Variants in CPLANE1 observed in about 807,000 individuals in gnomAD.
The protein encoded by CPLANE1 is ciliogenesis and planar polarity effector 1.
CPLANE1 carries 263 observed loss-of-function variants against 362.5 expected under a neutral mutation model. The observed-to-expected ratio is 0.73, with a 90% CI of 0.66 to 0.80. CPLANE1 has a LOEUF of 0.80. CPLANE1 is among the 30% of genes least tolerant of loss of function. The probability of loss-of-function intolerance (pLI) is 0.00; values close to 1 mark genes in which losing one functional copy is unlikely to be tolerated. For synonymous variants in CPLANE1, 1,212 were observed against 1,302.6 expected (o/e 0.93, Z 1.50); for missense variants, 3,461 against 3,793.4 (o/e 0.91, Z 2.30).
chr5:37,212,681 G>A (rs954664692), intron 16 of CPLANE1, among the ~76,000 whole-genome samples: 3 of 152,120 alleles, frequency 2.0e-5, no homozygotes, highest in African/African-American at 7.2e-5. Context: ...CAGTTATCTA[G>A]CACAGGATTA....
intron 21 of CPLANE1, among the ~76,000 whole-genome samples, chr5:37,194,185 G>C (rs552095126): frequency 1.3e-5 from 2 of 152,054 alleles, no homozygotes; most frequent in African/African-American, 2.4e-5. Context: ...TCCTCCCAAA[G>C]TGCTGGGATT....
chr5:37,124,864 A>G, intron 47 of CPLANE1: 1 of 1,004,784 alleles, frequency 1.0e-6, no homozygotes, highest in East Asian at 1.1e-4. Flanking sequence ...GAGCAGGCAT[A>G]GAAGAGTGAG....
intron 17 of CPLANE1, 102 bp from the exon 18 acceptor site, chr5:37,205,556 A>G: frequency 1.2e-6 from 1 of 809,302 alleles, no homozygotes; most frequent in Non-Finnish European, 1.9e-6. Flanking sequence ...AAACAATGGA[A>G]TTTACTTTTT....
At chr5:37,238,646 C>CT (rs576410447) in intron 8 of CPLANE1, among the ~76,000 whole-genome samples, 241 of 151,660 alleles carry the variant, frequency 1.6e-3, no homozygotes, top group Non-Finnish European at 2.7e-3. Flanking sequence ...CAGGTGTCCA[C>CT]CACCATGCTC....
chr5:37,104,152 T>A (rs1002729229), downstream of CPLANE1, among the ~76,000 whole-genome samples: 2 of 152,356 alleles, frequency 1.3e-5, no homozygotes, highest in Non-Finnish European at 2.9e-5. Flanking sequence ...ACTTGGCCTA[T>A]TCTGTTATTG....
At chr5:37,156,255 G>A (rs898477455) in intron 41 of CPLANE1, among the ~76,000 whole-genome samples, 1 of 152,152 alleles carries the variant, frequency 6.6e-6, no homozygotes, top group Non-Finnish European at 1.5e-5. Context: ...AAGTCTGATT[G>A]CATATTGGAT....
At chr5:37,079,795 C>T in the CPLANE1 span, among the ~76,000 whole-genome samples, 9 of 152,150 alleles carry the variant, frequency 5.9e-5, no homozygotes, top group Admixed American at 1.3e-4. Flanking sequence ...AAGTGTTTTC[C>T]TCTTCTCAAT....
Position 37,169,201 on chromosome 5 carries a change from C to T in CPLANE1, c.6823G>A (p.Ala2275Thr), listed in dbSNP as rs1779085192. The T allele has an allele frequency of 6.8e-6, 11 of 1,614,132 alleles. No homozygotes were observed. The highest frequency in any genetic ancestry group is 1.3e-5 in the African/African-American group (1 of 75,022). The change falls in exon 34 of 53, where the codon GCA becomes ACA. Residue 2275 changes from alanine to threonine, a missense_variant. Ala to Thr is a moderately conservative substitution (Grantham distance 58). Transcript: ENST00000651892. ...TGGGATGCTGGAGTAGTTTGTGCTGCTCTCTGTGGCAGAGCAGGTTGGAAG... is the reference window on the plus strand; with the variant it reads ...TGGGATGCTGGAGTAGTTTGTGCTGTTCTCTGTGGCAGAGCAGGTTGGAAG... ...DSFQPALPQRAAQTTPASHLN... is the reference protein window; with the variant it reads ...DSFQPALPQRTAQTTPASHLN...
rs971853316 is a variant in CPLANE1 at position 37,249,226 on chromosome 5, G to A, written c.-48+19C>T. ...CGAGGAGGCCAGGATCGCGGGGTAAGGAATCCGCGGGCAGTTACCTCCGCC... is the reference window on the plus strand; with the variant it reads ...CGAGGAGGCCAGGATCGCGGGGTAAAGAATCCGCGGGCAGTTACCTCCGCC... On this transcript the variant is annotated intron_variant, in intron 1 of 52. Coordinates refer to ENST00000651892, the MANE Select transcript of CPLANE1 (RefSeq NM_001384732.1). 47 of 152,772 alleles carry A rather than the reference G, an allele frequency of 3.1e-4. No homozygotes were observed. The highest frequency in any genetic ancestry group is 3.4e-3 in the Middle Eastern group (1 of 292). 9.5% of individuals were successfully genotyped at this position (152,772 alleles called of 1,614,324 possible).
In CPLANE1 at chr5:37,209,925, C is replaced by T. The variant is rs1039508964; in HGVS notation, c.2921-3500G>A. 5.8e-6 allele frequency: 8 copies of T among 1,382,832 alleles called. No homozygotes were observed. In the African/African-American group the frequency reaches 1.0e-4, roughly 17 times the overall value. The allele number at this position is 1,382,832 out of a possible 1,614,324, so 85.7% of individuals were successfully genotyped here. On this transcript the variant is annotated intron_variant, in intron 16 of 52. Coordinates refer to ENST00000651892, the MANE Select transcript of CPLANE1 (RefSeq NM_001384732.1). This position sits in a 1 kb window ranked among gnomAD's most constrained non-coding sequence, Gnocchi z 4.6. Reference sequence around the variant, plus strand: ...TGATGATCAGTTTGCAGATGCTTACCCTCAGCGTATCAAGTTTGAGTCTTT... The same window carrying T: ...TGATGATCAGTTTGCAGATGCTTACTCTCAGCGTATCAAGTTTGAGTCTTT...
chr5:37,211,848 T>G, intron 16 of CPLANE1: 2 of 791,910 alleles, frequency 2.5e-6, no homozygotes, highest in Middle Eastern at 2.4e-4. Context: ...TGAATCATCT[T>G]TTGAATATGC....
In CPLANE1 at chr5:37,133,143, T is replaced by C. The variant is rs1766475460; in HGVS notation, c.8792+5577A>G. Among the ~76,000 whole-genome samples, 4 of 152,344 alleles carry C rather than the reference T, an allele frequency of 2.6e-5. 1 individual carries two copies. In the South Asian group the frequency reaches 8.3e-4, roughly 32 times the overall value. On this transcript the variant is annotated intron_variant, in intron 46 of 52. Transcript: ENST00000651892. ...GTTCCATTGGTCTGTATGTCCATCTTTGTACCAGTACCATGCTGTTTTGGT... is the reference window on the plus strand; with the variant it reads ...GTTCCATTGGTCTGTATGTCCATCTCTGTACCAGTACCATGCTGTTTTGGT...
chr5:37,128,010 A>G (rs1764710096), intron 46 of CPLANE1, among the ~76,000 whole-genome samples: 1 of 152,126 alleles, frequency 6.6e-6, no homozygotes, highest in Admixed American at 6.5e-5. Flanking sequence ...ACTGCACCCC[A>G]GCCTGGGTGA....
At chr5:37,134,120 G>A (rs954224724) in intron 46 of CPLANE1, among the ~76,000 whole-genome samples, 22 of 152,026 alleles carry the variant, frequency 1.4e-4, no homozygotes, top group African/African-American at 3.1e-4. Flanking sequence ...TTGGGTCTTC[G>A]CCAGGTTTTG....
chr5:37,108,965 T>C (rs1758359209), intron 51 of CPLANE1, among the ~76,000 whole-genome samples: 1 of 152,248 alleles, frequency 6.6e-6, no homozygotes, highest in Admixed American at 6.5e-5. Flanking sequence ...TATATCAGTA[T>C]TTGTTGAAAA....
At chr5:37,203,216 C>G (rs913874175) in intron 18 of CPLANE1, among the ~76,000 whole-genome samples, 6 of 152,144 alleles carry the variant, frequency 3.9e-5, no homozygotes, top group Non-Finnish European at 8.8e-5. Context: ...TCTCAGGCAA[C>G]CCCTGATCTG....
chr5:37,156,815 G>A (rs1359775610), intron 41 of CPLANE1, among the ~76,000 whole-genome samples: 1 of 152,176 alleles, frequency 6.6e-6, no homozygotes, highest in Admixed American at 6.5e-5. Flanking sequence ...GGTAAGGGAT[G>A]AGAAACTACC....
rs1231123035 is a variant in CPLANE1, at chr5:37,244,617, T to A, written c.338-10A>T. Reference sequence around the variant, plus strand: ...AGTCTCAAAGAGCTTGCTAAAAAAGTAACAAAAAAAGTAATTAAGCCTCTG... The same window carrying A: ...AGTCTCAAAGAGCTTGCTAAAAAAGAAACAAAAAAAGTAATTAAGCCTCTG... On this transcript the variant is annotated splice_polypyrimidine_tract_variant and intron_variant, in intron 4 of 52. Coordinates refer to ENST00000651892, the MANE Select transcript of CPLANE1 (RefSeq NM_001384732.1). 1 of 1,500,570 alleles carries A rather than the reference T, an allele frequency of 6.7e-7. No homozygotes were observed. The highest frequency in any genetic ancestry group is 8.9e-7 in the Non-Finnish European group (1 of 1,118,838). 93.0% of individuals were successfully genotyped at this position (1,500,570 alleles called of 1,614,324 possible).
At chr5:37,136,819 T>G (rs1767854147) in intron 46 of CPLANE1, among the ~76,000 whole-genome samples, 2 of 152,252 alleles carry the variant, frequency 1.3e-5, no homozygotes, top group South Asian at 2.1e-4. Flanking sequence ...CTTGGCGCCT[T>G]CTAGCCACAG....
Sources: gnomAD v4.1 joint callset for allele counts (sites outside exome capture counted in the v4.1 genomes callset) on GRCh38, gnomAD v4.1.1 for gene constraint, Gnocchi (gnomAD v3.1) non-coding constraint, MANE v1.5 for transcripts, NCBI Gene and HGNC (gene_info 2026-07-23, HGNC 2026-07-21) for gene names.